Variants in ATG12 observed in about 807,000 individuals in gnomAD.
ATG12 encodes the protein autophagy related 12.
A neutral mutation model predicts 17.6 loss-of-function variants in ATG12; 19 were observed. That is an observed-to-expected ratio of 1.08 (90% CI 0.75 to 1.58). The LOEUF (loss-of-function observed/expected upper bound fraction) is 1.58, where lower values mean the gene tolerates loss of function less well. ATG12 is among the 40% of genes most tolerant of loss of function. The pLI, the probability that ATG12 is intolerant of heterozygous loss-of-function variation, is 0.00. For synonymous variants in ATG12, 75 were observed against 62.4 expected (o/e 1.20, Z -0.95); for missense variants, 214 against 162.0 (o/e 1.32, Z -1.74).
intron 2 of ATG12, chr5:115,833,751 GAACTGT>G (rs1226511536): frequency 6.6e-6 from 1 of 152,104 alleles, no homozygotes; most frequent in Admixed American, 6.6e-5. Flanking sequence ...AAAAATTTCA[GAACTGT>G]AACAGAAAAC....
chr5:115,831,791 TTTTC>T lies in ATG12; in HGVS notation c.*9_*12del, dbSNP rs1473761532. On this transcript the variant is annotated 3_prime_UTR_variant, in exon 4 of 4. Coordinates refer to ENST00000509910, the MANE Select transcript of ATG12 (RefSeq NM_004707.4). ...TCCATTTCATGTAGTAGCAAGTTGA[TTTTC>T]TTTGTGGTTCATCCCCACGCCTGAG... 6.2e-7 allele frequency: 1 copy of T among 1,611,220 alleles called. No homozygotes were observed. The highest frequency in any genetic ancestry group is 1.3e-5 in the African/African-American group (1 of 74,862).
rs1160493582 is a variant in ATG12, at chr5:115,828,437, T to C, written c.*3367A>G. On this transcript the variant is annotated 3_prime_UTR_variant, in exon 4 of 4. Coordinates refer to ENST00000509910, the MANE Select transcript of ATG12 (RefSeq NM_004707.4). The stretch of plus-strand genomic sequence containing the variant: ...AGATGTACATTATTTTTATTGTCAG[T>C]CAGCATTGTTTTTATTTGTATTTTT... 1 of 152,240 alleles carries C rather than the reference T, an allele frequency of 6.6e-6. No homozygotes were observed. Among genetic ancestry groups the C allele is most frequent in the East Asian group, 1.9e-4 (1 of 5,206 alleles). The allele number at this position is 152,240 out of a possible 1,614,324, so 9.4% of individuals were successfully genotyped here.
chr5:115,832,599 T>TTAAA lies in ATG12; in HGVS notation c.363+2_363+3insTTTA. On this transcript the variant is annotated splice_region_variant and intron_variant, in intron 3 of 3. Coordinates refer to ENST00000509910, the MANE Select transcript of ATG12 (RefSeq NM_004707.4). ...TTTTTTTTTTTTTTTTTTTTTTTTT[T>TTAAA]ACCTCATAGAGAGTTCCAACTTCTT... 1 of 952,608 alleles carries TTAAA rather than the reference T, an allele frequency of 1.0e-6. No individual in the cohort carries two copies. Among genetic ancestry groups the TTAAA allele is most frequent in the South Asian group, 1.7e-5 (1 of 57,806 alleles). 59.0% of individuals were successfully genotyped at this position (952,608 alleles called of 1,614,324 possible).
chr5:115,841,311 T>G, intron 1 of ATG12, 79 bp downstream of exon 1: 1 of 1,583,488 alleles, frequency 6.3e-7, no homozygotes, highest in Non-Finnish European at 8.6e-7. Context: ...CTCTAAATTT[T>G]GCTTCTTTAC....
In ATG12 at chr5:115,841,538, C is replaced by T. The variant is rs775873145; in HGVS notation, c.15G>A (p.Pro5=). ...AAGTAGGAAGCTGCAACACAGACTG[C>T]GGCTCCTCCGCCATCTTGCTTGGAG... MAEE[P]QSVLQLPTSI... The change falls in exon 1 of 4, where the codon CCG becomes CCA. Residue 5 remains proline, a synonymous_variant. Coordinates refer to ENST00000509910, the MANE Select transcript of ATG12 (RefSeq NM_004707.4). The T allele has an allele frequency of 1.1e-5, 18 of 1,613,456 alleles. No homozygotes were observed. The East Asian group carries it at 3.3e-4, about 30-fold the overall frequency.
chr5:115,837,091 G>A (rs1318694706), intron 2 of ATG12, among the ~76,000 whole-genome samples: 4 of 152,152 alleles, frequency 2.6e-5, no homozygotes, highest in Admixed American at 6.5e-5. Context: ...TTTTATGCAT[G>A]GGTATTCATG....
intron 2 of ATG12, chr5:115,835,142 G>T (rs913874885): frequency 1.3e-5 from 2 of 151,844 alleles, no homozygotes; most frequent in Non-Finnish European, 2.9e-5. Flanking sequence ...TACTAATGCT[G>T]ATCGTTTTTC....
chr5:115,837,309 C>G (rs1197872562), intron 2 of ATG12, among the ~76,000 whole-genome samples: 1 of 152,014 alleles, frequency 6.6e-6, no homozygotes, highest in African/African-American at 2.4e-5. Flanking sequence ...GAGGCGGCCC[C>G]GTCTCTACTA....
At chr5:115,836,496 T>C (rs1054782979) in intron 2 of ATG12, among the ~76,000 whole-genome samples, 7 of 152,216 alleles carry the variant, frequency 4.6e-5, no homozygotes, top group Non-Finnish European at 8.8e-5. Flanking sequence ...AGCTTCACTT[T>C]TGTGAGAGCA....
rs187879563 is a variant in ATG12, at chr5:115,840,755, A to G, written c.163+635T>C. ...GTAATTTTAGCAATCTCTTTTACAA[A>G]GGGAAACATTCTCAAGCAATAAAGG... On this transcript the variant is annotated intron_variant, in intron 1 of 3. Coordinates refer to ENST00000509910, the MANE Select transcript of ATG12 (RefSeq NM_004707.4). 2,395 of 1,179,272 alleles carry G rather than the reference A, an allele frequency of 2.0e-3. 2 individuals are homozygous for G. The highest frequency in any genetic ancestry group is 2.5e-3 in the Non-Finnish European group (2,283 of 930,950). 73.1% of individuals were successfully genotyped at this position (1,179,272 alleles called of 1,614,324 possible).
chr5:115,840,906 T>TA, intron 1 of ATG12: 2 of 1,288,588 alleles, frequency 1.6e-6, no homozygotes, highest in Non-Finnish European at 2.0e-6. Context: ...GAATTTGGTT[T>TA]TTGGTTTAAG....
At position 115,837,687 on chromosome 5, in the gene ATG12, T is replaced by C. The variant is rs912346919; in HGVS notation, c.241A>G (p.Ile81Val). The C allele has an allele frequency of 2.5e-6, 4 of 1,613,506 alleles. No homozygotes were observed. Among genetic ancestry groups the C allele is most frequent in the Admixed American group, 1.7e-5 (1 of 59,912 alleles). ...KKWAVERTRT[I>V]QGLIDFIKKF... ...TTGATGAAGTCAATGAGTCCTTGGATGGTTCGTGTTCGCTCTACTGCCCAC... is the reference window on the plus strand; with the variant it reads ...TTGATGAAGTCAATGAGTCCTTGGACGGTTCGTGTTCGCTCTACTGCCCAC... Residue 81 changes from isoleucine to valine, a missense_variant, in exon 2 of 4, where the codon ATC (isoleucine) becomes GTC (valine). Coordinates refer to ENST00000509910, the MANE Select transcript of ATG12 (RefSeq NM_004707.4).
chr5:115,840,155 T>G (rs528761860), intron 1 of ATG12, among the ~76,000 whole-genome samples: 103 of 152,272 alleles, frequency 6.8e-4, no homozygotes, highest in Non-Finnish European at 1.1e-3. Flanking sequence ...TGAAGAAAGA[T>G]TCCAGTGGCT....
rs377537186 is a variant in ATG12, at chr5:115,832,737, CAGCT to C, written c.301-77_301-74del. 682 of 1,356,226 alleles carry C rather than the reference CAGCT, an allele frequency of 5.0e-4. 5 individuals are homozygous for C. The African/African-American group carries it at 8.7e-3, about 17-fold the overall frequency. 84.0% of individuals were successfully genotyped at this position (1,356,226 alleles called of 1,614,324 possible). A position where few individuals can be genotyped will look rare whatever the true frequency, so the allele number is the denominator to read the frequency against. ...AATCTGCATTTTTCTGCATTCCAAT[CAGCT>C]AGCTATTTTGTATTGTTTTCACAAT... On this transcript the variant is annotated intron_variant, in intron 2 of 3. Transcript: ENST00000509910.
At position 115,837,640 on chromosome 5, in the gene ATG12, G is replaced by C. The variant is rs368192414; in HGVS notation, c.288C>G (p.Ala96=). The C allele has an allele frequency of 2.4e-5, 39 of 1,611,282 alleles. No individual in the cohort carries two copies. In the African/African-American group the frequency reaches 4.8e-4, roughly 20 times the overall value. The change falls in exon 2 of 4, where the codon GCC becomes GCG. Residue 96 remains alanine (A), a synonymous_variant. Coordinates refer to ENST00000509910, the MANE Select transcript of ATG12 (RefSeq NM_004707.4). ...DFIKKFLKLV[A]SEQLFIYVNQ... The stretch of plus-strand genomic sequence containing the variant: ...ATTGGTTTCATACCAACTGTTCTGA[G>C]GCCACAAGTTTAAGAAACTTTTTGA...
In ATG12 at chr5:115,832,665, C is replaced by G; in HGVS notation, c.301-1G>C. The G allele has an allele frequency of 1.6e-6, 2 of 1,285,628 alleles. No homozygotes were observed. The highest frequency in any genetic ancestry group is 2.0e-6 in the Non-Finnish European group (2 of 1,000,338). The allele number at this position is 1,285,628 out of a possible 1,614,324, so 79.6% of individuals were successfully genotyped here. ...CAAAGGACTGATTCACATAAATAAACTACAAGAAAGGAAGGAAAAACAGAG... is the reference window on the plus strand; with the variant it reads ...CAAAGGACTGATTCACATAAATAAAGTACAAGAAAGGAAGGAAAAACAGAG... On this transcript the variant is annotated splice_acceptor_variant, in intron 2 of 3. Coordinates refer to ENST00000509910, the MANE Select transcript of ATG12 (RefSeq NM_004707.4). LOFTEE classifies it high-confidence loss of function.
rs971550769 is a variant in ATG12, at chr5:115,832,661, T to C, written c.304A>G (p.Ile102Val). 1.5e-5 allele frequency: 21 copies of C among 1,368,066 alleles called. No individual in the cohort carries two copies. Among genetic ancestry groups the C allele is most frequent in the Non-Finnish European group, 2.0e-5 (21 of 1,050,962 alleles). The allele number at this position is 1,368,066 out of a possible 1,614,324, so 84.7% of individuals were successfully genotyped here. A position where few individuals can be genotyped will look rare whatever the true frequency, so the allele number is the denominator to read the frequency against. Residue 102 changes from isoleucine (I) to valine (V), a missense_variant, in exon 3 of 4, where the codon ATT becomes GTT. Coordinates refer to ENST00000509910, the MANE Select transcript of ATG12 (RefSeq NM_004707.4). ...LKLVASEQLF[I>V]YVNQSFAPSP... ...GGAGCAAAGGACTGATTCACATAAA[T>C]AAACTACAAGAAAGGAAGGAAAAAC...
In ATG12 at chr5:115,837,749, T is replaced by C. The variant is rs1371751356; in HGVS notation, c.179A>G (p.Lys60Arg). 1.9e-6 allele frequency: 3 copies of C among 1,601,312 alleles called. No individual in the cohort carries two copies. Among genetic ancestry groups the C allele is most frequent in the East Asian group, 2.2e-5 (1 of 44,760 alleles). ...CATAATAGGAGTGTCTCCCACAGCC[T>C]TTAGCAAAATGTCAACTGTAAAAGA... is the stretch of plus-strand genomic sequence containing the variant. The part of the protein sequence containing the change: ...DTKKKIDILL[K>R]AVGDTPIMKT... Residue 60 changes from lysine (K) to arginine (R), a missense_variant, in exon 2 of 4, where the codon AAG becomes AGG. Physicochemically the swap from Lys to Arg is conservative, Grantham distance 26. Coordinates refer to ENST00000509910, the MANE Select transcript of ATG12 (RefSeq NM_004707.4).
At chr5:115,836,187 T>C (rs939932938) in intron 2 of ATG12, among the ~76,000 whole-genome samples, 1 of 152,188 alleles carries the variant, frequency 6.6e-6, no homozygotes, top group East Asian at 1.9e-4. Flanking sequence ...TGAAATTGTT[T>C]TCATAGGGTA....
Sources: allele counts gnomAD v4.1 joint callset (sites outside exome capture counted in the v4.1 genomes callset), GRCh38; gene constraint gnomAD v4.1.1; transcripts MANE v1.5; gene names NCBI Gene and HGNC (gene_info 2026-07-23, HGNC 2026-07-21).